Variants in CCDC38 observed in about 807,000 individuals in gnomAD.
CCDC38 encodes coiled-coil domain containing 38.
CCDC38 carries 69 observed loss-of-function variants against 72.8 expected under a neutral mutation model. That is an observed-to-expected ratio of 0.95 (90% CI 0.78 to 1.16). The LOEUF (loss-of-function observed/expected upper bound fraction) is 1.16, where lower values mean the gene tolerates loss of function less well. Ranked by LOEUF, CCDC38 falls within the 50% of genes most tolerant of loss-of-function variation. CCDC38 has a pLI of 0.00. For synonymous variants in CCDC38, 201 were observed against 213.2 expected (o/e 0.94, Z 0.50); for missense variants, 626 against 638.9 (o/e 0.98, Z 0.22).
intron 4 of CCDC38, among the ~76,000 whole-genome samples, chr12:95,912,674 C>T (rs536467866): frequency 1.2e-4 from 18 of 152,104 alleles, no homozygotes; most frequent in African/African-American, 2.7e-4. Flanking sequence ...CTCATTACTC[C>T]GATTTGATTA....
intron 4 of CCDC38, among the ~76,000 whole-genome samples, chr12:95,906,947 T>G (rs952140882): frequency 6.6e-6 from 1 of 150,896 alleles, no homozygotes; most frequent in African/African-American, 2.4e-5. Flanking sequence ...GGTCTCTGGT[T>G]TTCCTAGGCA....
rs181787323 is a variant in CCDC38 at position 95,935,605 on chromosome 12, A to G, written c.37+868T>C. ...CTGTCTCTTGCAGCCAAACTTTTACATTGTAAATACAAATAGTGTCAAATG... is the reference window on the plus strand; with the variant it reads ...CTGTCTCTTGCAGCCAAACTTTTACGTTGTAAATACAAATAGTGTCAAATG... On this transcript the variant is annotated intron_variant, in intron 2 of 15. Coordinates refer to ENST00000344280, the MANE Select transcript of CCDC38 (RefSeq NM_182496.3). 26 of 230,252 alleles carry G rather than the reference A, an allele frequency of 1.1e-4. No individual in the cohort carries two copies. In the Admixed American group the frequency reaches 1.3e-3, roughly 11 times the overall value. 14.3% of individuals were successfully genotyped at this position (230,252 alleles called of 1,614,324 possible). A position where few individuals can be genotyped will look rare whatever the true frequency, so the allele number is the denominator to read the frequency against.
intron 4 of CCDC38, among the ~76,000 whole-genome samples, chr12:95,912,163 T>C (rs547770748): frequency 6.6e-6 from 1 of 152,126 alleles, no homozygotes; most frequent in East Asian, 1.9e-4. Context: ...GAGCTAAACA[T>C]TGAGTACACA....
intron 15 of CCDC38, among the ~76,000 whole-genome samples, chr12:95,867,556 G>A (rs1461197326): frequency 6.6e-6 from 1 of 152,150 alleles, no homozygotes. Context: ...TTCGTCCATG[G>A]TTGGAAGAGA....
chr12:95,930,197 T>C (rs577810392), intron 2 of CCDC38, among the ~76,000 whole-genome samples: 69 of 152,298 alleles, frequency 4.5e-4, no homozygotes, highest in Non-Finnish European at 9.6e-4. Context: ...CCACATGAAC[T>C]AGTCCCTAGG....
chr12:95,899,445 G>A (rs2079927842), intron 5 of CCDC38, among the ~76,000 whole-genome samples: 1 of 152,020 alleles, frequency 6.6e-6, no homozygotes. Context: ...CTATATAGGT[G>A]CACACCACCA....
chr12:95,880,243 C>T (rs2079684961), intron 11 of CCDC38, among the ~76,000 whole-genome samples: 1 of 152,136 alleles, frequency 6.6e-6, no homozygotes, highest in African/African-American at 2.4e-5. Context: ...GGCATTTGCA[C>T]ACCCATGTTC....
intron 4 of CCDC38, 74 bp downstream of exon 4, chr12:95,917,055 C>T: frequency 3.2e-6 from 4 of 1,257,384 alleles, no homozygotes; most frequent in Non-Finnish European, 4.3e-6. Context: ...TAATCACCCT[C>T]CAACAAAGCT....
intron 2 of CCDC38, among the ~76,000 whole-genome samples, chr12:95,929,598 T>G (rs1488861323): frequency 6.6e-6 from 1 of 152,232 alleles, no homozygotes; most frequent in Admixed American, 6.5e-5. Context: ...ATGCCTGAGT[T>G]AAAATCTCTA....
At chr12:95,930,156 G>C (rs553141615) in intron 2 of CCDC38, among the ~76,000 whole-genome samples, 1 of 152,072 alleles carries the variant, frequency 6.6e-6, no homozygotes, top group African/African-American at 2.4e-5. Flanking sequence ...TATTCAACCC[G>C]CTACACCAAA....
intron 4 of CCDC38, among the ~76,000 whole-genome samples, chr12:95,916,733 G>A (rs1565961194): frequency 1.3e-5 from 2 of 151,992 alleles, no homozygotes; most frequent in Non-Finnish European, 2.9e-5. Context: ...AATTTTATTA[G>A]CTTCCTCATT....
At chr12:95,936,621 G>GA in intron 1 of CCDC38, 98 bp from the exon 2 acceptor site, 1 of 869,962 alleles carries the variant, frequency 1.1e-6, no homozygotes, top group Non-Finnish European at 1.8e-6. Context: ...AGTCCTTATG[G>GA]CTTTTAAAAG....
chr12:95,940,716 C>T (rs1272969751), intron 1 of CCDC38, among the ~76,000 whole-genome samples: 2 of 152,116 alleles, frequency 1.3e-5, no homozygotes, highest in African/African-American at 4.8e-5. Flanking sequence ...GGGTCCTTGG[C>T]CTGCTTAGAT....
At chr12:95,885,703 C>T (rs1239841963) in intron 10 of CCDC38, 1 of 152,732 alleles carries the variant, frequency 6.5e-6, no homozygotes, top group Non-Finnish European at 1.5e-5. Flanking sequence ...CATAGAAGAA[C>T]AAGAGTCATC....
Position 95,878,280 on chromosome 12 carries a change from T to C in CCDC38, c.1209A>G (p.Glu403=), listed in dbSNP as rs1365887847. ...TTAATTGCAATTCTGCTGCTTTCTC[T>C]TCTTCTCTCACACAGTTAGCTTTAA... is the stretch of plus-strand genomic sequence containing the variant. ...KMLKANCVRE[E]EKAAELQLKS... The change falls in exon 13 of 16, where the codon GAA becomes GAG. Residue 403 remains glutamate, a synonymous_variant. Coordinates refer to ENST00000344280, the MANE Select transcript of CCDC38 (RefSeq NM_182496.3). 6.2e-7 allele frequency: 1 copy of C among 1,613,592 alleles called. No individual in the cohort carries two copies.
At chr12:95,931,293 T>C (rs2080335578) in intron 2 of CCDC38, among the ~76,000 whole-genome samples, 1 of 152,222 alleles carries the variant, frequency 6.6e-6, no homozygotes, top group African/African-American at 2.4e-5. Context: ...CATTGTCACA[T>C]CACCTTCTCG....
intron 1 of CCDC38, among the ~76,000 whole-genome samples, chr12:95,940,583 T>C (rs1384185095): frequency 1.3e-5 from 2 of 152,146 alleles, no homozygotes; most frequent in African/African-American, 2.4e-5. Flanking sequence ...CATTTTTTTT[T>C]CCCACCTCCT....
chr12:95,906,300 A>G, intron 5 of CCDC38, 87 bp downstream of exon 5: 1 of 973,100 alleles, frequency 1.0e-6, no homozygotes, highest in Non-Finnish European at 1.6e-6. Flanking sequence ...GACATGTAAT[A>G]GACAAGCAAA....
At chr12:95,909,005 G>A (rs574003961) in intron 4 of CCDC38, among the ~76,000 whole-genome samples, 50 of 152,086 alleles carry the variant, frequency 3.3e-4, no homozygotes, top group Non-Finnish European at 6.5e-4. Context: ...CTCTTGATAA[G>A]AATGTAACTG....
Sources: allele counts gnomAD v4.1 joint callset (sites outside exome capture counted in the v4.1 genomes callset), GRCh38; gene constraint gnomAD v4.1.1; transcripts MANE v1.5; gene names NCBI Gene and HGNC (gene_info 2026-07-23, HGNC 2026-07-21).